The following TENM3 variants were observed in gnomAD, a reference collection of about 807,000 sequenced individuals.
TENM3 encodes the protein teneurin-3.
Under a neutral mutation model 255.1 loss-of-function variants are expected in TENM3, and 63 were observed. That is an observed-to-expected ratio of 0.25 (90% CI 0.20 to 0.30). TENM3 has a LOEUF of 0.30. TENM3 is among the 10% of genes least tolerant of loss of function. TENM3 has a pLI of 1.00. For synonymous variants in TENM3, 1,306 were observed against 1,322.3 expected (o/e 0.99, Z 0.27); for missense variants, 2,929 against 3,461.1 (o/e 0.85, Z 3.86).
intron 24 of TENM3, among the ~76,000 whole-genome samples, chr4:182,785,478 C>T (rs965489521): frequency 4.0e-5 from 6 of 151,228 alleles, no homozygotes; most frequent in East Asian, 2.0e-4. Flanking sequence ...GAGGCTGAGG[C>T]GGGTGGATCA....
chr4:182,736,686 A>G (rs1315183170), intron 16 of TENM3, 122 bp from the exon 17 acceptor site: 4 of 927,358 alleles, frequency 4.3e-6, no homozygotes, highest in Non-Finnish European at 6.3e-6. Flanking sequence ...CTTTGTGAGT[A>G]AGTAAACTAA....
chr4:182,640,258 A>G (rs1469638695), intron 5 of TENM3, among the ~76,000 whole-genome samples: 1 of 152,210 alleles, frequency 6.6e-6, no homozygotes, highest in East Asian at 1.9e-4. Context: ...ACAAAATAAT[A>G]CTATAGAAGG....
At chr4:182,413,984 T>A (rs1770191462) in intron 3 of TENM3, among the ~76,000 whole-genome samples, 1 of 152,208 alleles carries the variant, frequency 6.6e-6, no homozygotes, top group Admixed American at 6.5e-5. Flanking sequence ...ACCACAAAAG[T>A]GTACTATTGT....
chr4:181,492,034 G>A, the TENM3 span, among the ~76,000 whole-genome samples: 1 of 152,158 alleles, frequency 6.6e-6, no homozygotes, highest in Non-Finnish European at 1.5e-5. Flanking sequence ...CTTCTTAGTA[G>A]TAGTAGGTAA....
At chr4:182,418,266 A>T (rs1222823546) in intron 3 of TENM3, among the ~76,000 whole-genome samples, 1 of 152,236 alleles carries the variant, frequency 6.6e-6, no homozygotes, top group Non-Finnish European at 1.5e-5. Flanking sequence ...GTGCAGTTTC[A>T]CTTTTATTTT....
intron 18 of TENM3, among the ~76,000 whole-genome samples, chr4:182,741,417 G>A (rs563277542): frequency 1.3e-5 from 2 of 152,182 alleles, no homozygotes; most frequent in African/African-American, 2.4e-5. Flanking sequence ...ACAGTTATTC[G>A]TGCGGGCGCC....
At chr4:181,830,744 C>G in the TENM3 span, among the ~76,000 whole-genome samples, 1 of 152,150 alleles carries the variant, frequency 6.6e-6, no homozygotes, top group East Asian at 1.9e-4. Flanking sequence ...AATTAGTTTG[C>G]CCTTCCCAGA....
At position 182,163,934 on chromosome 4, in the gene TENM3, G is replaced by A. The variant is rs556784035; in HGVS notation, c.-76+19180G>A. Among the ~76,000 whole-genome samples, 4 of 152,274 alleles carry A rather than the reference G, an allele frequency of 2.6e-5. No homozygotes were observed. In the East Asian group the frequency reaches 7.7e-4, roughly 29 times the overall value. On this transcript the variant is annotated intron_variant, in intron 1 of 2. Transcript: ENST00000512480. ...TATCCACTGTCCCAGCTCTTGCAAT[G>A]TCATAGATTCCCATGGCTTCAGTGT...
At position 182,793,043 on chromosome 4, in the gene TENM3, A is replaced by C. The variant is rs1766227528; in HGVS notation, c.6371A>C (p.Asn2124Thr). The C allele has an allele frequency of 6.2e-7, 1 of 1,613,974 alleles. No individual in the cohort carries two copies. The highest frequency in any genetic ancestry group is 8.5e-7 in the Non-Finnish European group (1 of 1,179,884). The change falls in exon 26 of 28, where the codon AAC becomes ACC. Residue 2124 changes from asparagine to threonine, a missense_variant. By Grantham distance (65) the Asn-to-Thr change is moderately conservative. Around this residue, in one of 6 missense-constraint regions of TENM3, gnomAD observed 256 missense variants for 389.3 expected, o/e 0.66. Coordinates refer to ENST00000511685, the MANE Select transcript of TENM3 (RefSeq NM_001080477.4). This position sits in a 1 kb window ranked among gnomAD's most constrained non-coding sequence, Gnocchi z 5.7. ...GAGATTAAAATAGGGCCCTTTGCCA[A>C]CACCACCAAATATGCTTATGAATAT... ...KREIKIGPFA[N>T]TTKYAYEYDV...
At chr4:182,765,449 G>A (rs1194449466) in intron 22 of TENM3, among the ~76,000 whole-genome samples, 2 of 152,098 alleles carry the variant, frequency 1.3e-5, no homozygotes, top group Admixed American at 6.6e-5. Context: ...TTCTGTATTT[G>A]ATCTTCTTTC....
chr4:182,583,131 G>A (rs941244245), intron 3 of TENM3, among the ~76,000 whole-genome samples: 4 of 152,210 alleles, frequency 2.6e-5, no homozygotes, highest in Admixed American at 6.5e-5. Flanking sequence ...TAACTCAGGA[G>A]AGCTGTAGCC....
At chr4:181,676,427 G>A in the TENM3 span, among the ~76,000 whole-genome samples, 1 of 151,998 alleles carries the variant, frequency 6.6e-6, no homozygotes, top group African/African-American at 2.4e-5. Flanking sequence ...TGTTACATGG[G>A]TAAATTGTGT....
chr4:182,352,565 G>A (rs1370628286), intron 3 of TENM3, among the ~76,000 whole-genome samples: 2 of 152,084 alleles, frequency 1.3e-5, no homozygotes, highest in African/African-American at 4.8e-5. Flanking sequence ...CACATTAATT[G>A]TGCATGATAC....
At chr4:182,257,978 G>A (rs1246046879) in intron 1 of TENM3, among the ~76,000 whole-genome samples, 1 of 151,992 alleles carries the variant, frequency 6.6e-6, no homozygotes, top group East Asian at 1.9e-4. Flanking sequence ...ACATCTTAAT[G>A]TATCCTGATT....
chr4:181,765,488 A>T, the TENM3 span, among the ~76,000 whole-genome samples: 1 of 152,244 alleles, frequency 6.6e-6, no homozygotes, highest in Non-Finnish European at 1.5e-5. Flanking sequence ...CGACTGAAAA[A>T]TAAAAAGGGA....
chr4:181,507,676 CT>C, the TENM3 span, among the ~76,000 whole-genome samples: 1 of 152,204 alleles, frequency 6.6e-6, no homozygotes, highest in Non-Finnish European at 1.5e-5. Context: ...GTGATTACTG[CT>C]TTACAGCACA....
chr4:181,605,582 AAGG>A, the TENM3 span, among the ~76,000 whole-genome samples: 25 of 28,238 alleles, frequency 8.9e-4, 2 homozygotes, highest in South Asian at 3.7e-3. Context: ...GAGAGAAAGA[AAGG>A]AAAGAAAGAA....
At chr4:181,495,902 T>TAAAAAAAAAAAAAAAAAAA in the TENM3 span, among the ~76,000 whole-genome samples, 1 of 116,852 alleles carries the variant, frequency 8.6e-6, no homozygotes. Context: ...AGAGACAAAT[T>TAAAAAAAAAAAAAAAAAAA]AAAAAAAAAA....
At chr4:182,556,242 C>T (rs529062478) in intron 3 of TENM3, among the ~76,000 whole-genome samples, 15 of 152,302 alleles carry the variant, frequency 9.8e-5, no homozygotes, top group South Asian at 4.1e-4. Flanking sequence ...ACATTTACTT[C>T]GGTTGGCTGA....
Sources: allele counts gnomAD v4.1 joint callset (sites outside exome capture counted in the v4.1 genomes callset), GRCh38; gene constraint gnomAD v4.1.1; regional missense constraint gnomAD v4.1.1; non-coding constraint Gnocchi (gnomAD v3.1); transcripts MANE v1.5; gene names NCBI Gene and HGNC (gene_info 2026-07-23, HGNC 2026-07-21).